The following NREP variants were observed in gnomAD, a reference collection of about 807,000 sequenced individuals.
NREP encodes neuronal regeneration-related protein.
A neutral mutation model predicts 8.6 loss-of-function variants in NREP; 5 were observed. The observed-to-expected ratio is 0.58, with a 90% confidence interval of 0.30 to 1.22. NREP has a LOEUF of 1.22. NREP is among the 50% of genes most tolerant of loss of function. The probability of loss-of-function intolerance (pLI) is 0.07; values close to 1 mark genes in which losing one functional copy is unlikely to be tolerated. For missense variants in NREP, 86 were observed against 82.5 expected, an observed-to-expected ratio of 1.04 and a Z score of -0.17; for synonymous variants, 27 against 28.0, an observed-to-expected ratio of 0.96 and a Z score of 0.11.
chr5:111,900,776 C>G (rs1034429059), intron 2 of NREP, among the ~76,000 whole-genome samples: 3 of 152,048 alleles, frequency 2.0e-5, no homozygotes, highest in African/African-American at 7.2e-5. Flanking sequence ...AAAAAAGTCT[C>G]CTAACAAGGA....
chr5:111,975,486 C>T (rs1756937640), intron 1 of NREP: 1 of 733,094 alleles, frequency 1.4e-6, no homozygotes, highest in Admixed American at 2.4e-5. Flanking sequence ...GTTCTCATTT[C>T]TAAAATGAGA....
At chr5:111,860,594 T>G (rs1163802885) in intron 2 of NREP, among the ~76,000 whole-genome samples, 2 of 152,134 alleles carry the variant, frequency 1.3e-5, no homozygotes, top group African/African-American at 4.8e-5. Context: ...TGTCATAAGC[T>G]CAGCTTCCAG....
In NREP at chr5:111,779,898, A is replaced by T. The variant is rs556105344; in HGVS notation, c.136-44391T>A. On this transcript the variant is annotated intron_variant, in intron 2 of 3. Coordinates refer to the NREP transcript ENST00000395634. ...TCTCTTGATTAAATTGTGATTTTTT[A>T]TTATTTTTATTTTTGCCTCAGAAGT... 1.9e-3 allele frequency among the ~76,000 whole-genome samples: 291 copies of T among 152,108 alleles called. 1 individual carries two copies. The highest frequency in any genetic ancestry group is 6.7e-3 in the African/African-American group (279 of 41,502).
At chr5:111,802,324 C>T (rs1752032634) in intron 2 of NREP, among the ~76,000 whole-genome samples, 1 of 113,254 alleles carries the variant, frequency 8.8e-6, no homozygotes, top group Admixed American at 9.0e-5. Flanking sequence ...AGCAAGGAGA[C>T]TGTTTTAGGC....
upstream of NREP, chr5:111,758,099 A>G (rs1175964940): frequency 4.1e-6 from 4 of 985,358 alleles, no homozygotes; most frequent in African/African-American, 5.2e-5. Flanking sequence ...GCATTTGCAC[A>G]CGGCCTCGGG....
intron 2 of NREP, among the ~76,000 whole-genome samples, chr5:111,832,252 T>G (rs1456477156): frequency 6.6e-6 from 1 of 152,052 alleles, no homozygotes; most frequent in Non-Finnish European, 1.5e-5. Context: ...GTGTGGTGGC[T>G]CAACCCTGTA....
chr5:111,927,564 G>T (rs1436332592), intron 2 of NREP, among the ~76,000 whole-genome samples: 2 of 152,130 alleles, frequency 1.3e-5, no homozygotes, highest in Non-Finnish European at 2.9e-5. Context: ...CCTTCCTTTT[G>T]TTCCCAAACA....
chr5:111,957,458 T>C (rs558927836), intron 2 of NREP, among the ~76,000 whole-genome samples: 1 of 152,002 alleles, frequency 6.6e-6, no homozygotes, highest in South Asian at 2.1e-4. Flanking sequence ...TTTATAAAAC[T>C]TAAAGGCACA....
At chr5:111,776,064 G>A (rs535941735) in intron 2 of NREP, among the ~76,000 whole-genome samples, 1 of 152,314 alleles carries the variant, frequency 6.6e-6, no homozygotes, top group South Asian at 2.1e-4. Flanking sequence ...CTGTCAGTAA[G>A]TATGAGGTGA....
intron 2 of NREP, among the ~76,000 whole-genome samples, chr5:111,839,968 G>A (rs571959832): frequency 2.6e-5 from 4 of 152,096 alleles, no homozygotes; most frequent in Non-Finnish European, 4.4e-5. Flanking sequence ...TCCCATCAAC[G>A]CATCCAAATT....
intron 2 of NREP, among the ~76,000 whole-genome samples, chr5:111,875,089 A>C (rs1753873542): frequency 6.6e-6 from 1 of 152,220 alleles, no homozygotes; most frequent in Non-Finnish European, 1.5e-5. Context: ...GAAAGATCAA[A>C]AATGGGGATA....
intron 2 of NREP, among the ~76,000 whole-genome samples, chr5:111,954,586 G>A (rs1756257605): frequency 6.6e-6 from 1 of 152,138 alleles, no homozygotes; most frequent in Non-Finnish European, 1.5e-5. Flanking sequence ...CCCACTGTTA[G>A]ATTGGAAAAT....
At chr5:111,832,429 T>C (rs144803181) in intron 2 of NREP, among the ~76,000 whole-genome samples, 1 of 151,812 alleles carries the variant, frequency 6.6e-6, no homozygotes, top group East Asian at 1.9e-4. Context: ...TACTTGTGGG[T>C]CTGATGAGGT....
intron 2 of NREP, among the ~76,000 whole-genome samples, chr5:111,953,767 A>G (rs145204486): frequency 2.0e-5 from 3 of 152,104 alleles, no homozygotes; most frequent in Admixed American, 1.3e-4. Flanking sequence ...TTTAAGTTGC[A>G]TATTGACAAA....
chr5:111,813,810 C>A (rs903367345), intron 2 of NREP, among the ~76,000 whole-genome samples: 2 of 152,008 alleles, frequency 1.3e-5, no homozygotes, highest in African/African-American at 2.4e-5. Flanking sequence ...ATTTCACCAT[C>A]CTCTCAGGAA....
chr5:111,846,420 C>CTTTTTTTTTTTTTTTTTTGTTTTTTTT (rs1753170585), intron 2 of NREP: 1 of 44,414 alleles, frequency 2.3e-5, no homozygotes, highest in African/African-American at 8.5e-5. Context: ...TTTTTGTTTG[C>CTTTTTTTTTTTTTTTTTTGTTTTTTTT]TTTTTTTTTT....
chr5:111,742,738 G>A (rs543312902), intron 2 of NREP, among the ~76,000 whole-genome samples: 4 of 152,198 alleles, frequency 2.6e-5, no homozygotes, highest in East Asian at 3.9e-4. Context: ...CAAGCATAGT[G>A]AACACGGAGG....
intron 2 of NREP, among the ~76,000 whole-genome samples, chr5:111,923,941 G>C (rs899335984): frequency 5.9e-5 from 9 of 152,140 alleles, no homozygotes; most frequent in African/African-American, 1.9e-4. Flanking sequence ...ATGGGTCTTG[G>C]CTGCCTGAGT....
At chr5:111,768,057 C>T (rs1034933380) in intron 2 of NREP, among the ~76,000 whole-genome samples, 2 of 152,152 alleles carry the variant, frequency 1.3e-5, no homozygotes, top group African/African-American at 4.8e-5. Flanking sequence ...ACAAGGATGT[C>T]CTTCTGTCAA....
Sources: allele counts gnomAD v4.1 joint callset (sites outside exome capture counted in the v4.1 genomes callset), GRCh38; gene constraint gnomAD v4.1.1; transcripts MANE v1.5; gene names NCBI Gene and HGNC (gene_info 2026-07-23, HGNC 2026-07-21).